RNF180: variants seen among roughly 807,000 people sequenced by gnomAD.
RNF180 encodes ring finger protein 180, also known as E3 ubiquitin-protein ligase RNF180.
A neutral mutation model predicts 59.2 loss-of-function variants in RNF180; 38 were observed. That is an observed-to-expected ratio of 0.64 (90% CI 0.50 to 0.84). The LOEUF is 0.84. Ranked by LOEUF, RNF180 falls within the 40% of genes least tolerant of loss-of-function variation. RNF180 has a pLI of 0.00. For synonymous variants in RNF180, 262 were observed against 240.3 expected, an observed-to-expected ratio of 1.09 and a Z score of -0.84; for missense variants, 705 against 700.9, an observed-to-expected ratio of 1.01 and a Z score of -0.07.
At chr5:64,211,180 G>A (rs374461964) in intron 2 of RNF180, among the ~76,000 whole-genome samples, 34 of 152,192 alleles carry the variant, frequency 2.2e-4, no homozygotes, top group African/African-American at 6.7e-4. Context: ...ATCTCAAAGG[G>A]AAAACTAGAG....
At chr5:64,267,779 T>C (rs1744772030) in intron 5 of RNF180, among the ~76,000 whole-genome samples, 1 of 152,258 alleles carries the variant, frequency 6.6e-6, no homozygotes, top group African/African-American at 2.4e-5. Flanking sequence ...AATAGAAGTA[T>C]CTAGTTATGG....
At position 64,366,505 on chromosome 5, in the gene RNF180, G is replaced by C. The variant is rs968799345; in HGVS notation, c.1580-3110G>C. Among the ~76,000 whole-genome samples the C allele has an allele frequency of 2.0e-5, 3 of 151,630 alleles. No individual in the cohort carries two copies. The South Asian group carries it at 6.2e-4, about 31-fold the overall frequency. ...AATGTTGGCCTCTATAGCTAGGTTG[G>C]AGGAGTTCTCGTGGATGATCTCCTG... On this transcript the variant is annotated intron_variant, in intron 7 of 7. Coordinates refer to ENST00000389100, the MANE Select transcript of RNF180 (RefSeq NM_001113561.2).
intron 1 of RNF180, among the ~76,000 whole-genome samples, chr5:64,198,715 G>A (rs1305202247): frequency 6.6e-6 from 1 of 152,120 alleles, no homozygotes; most frequent in Non-Finnish European, 1.5e-5. Context: ...AGATAAAAGA[G>A]GCTAAGAAGG....
At chr5:64,334,426 A>C (rs1561268032) in intron 7 of RNF180, among the ~76,000 whole-genome samples, 1 of 152,172 alleles carries the variant, frequency 6.6e-6, no homozygotes, top group African/African-American at 2.4e-5. Context: ...GCTTTTTCCC[A>C]TGAATCCTGC....
At chr5:64,338,700 T>G (rs1745233544) in intron 7 of RNF180, among the ~76,000 whole-genome samples, 1 of 152,184 alleles carries the variant, frequency 6.6e-6, no homozygotes, top group Non-Finnish European at 1.5e-5. Flanking sequence ...TCTGTATTCT[T>G]GGTAAGTACC....
chr5:64,306,147 T>C (rs971461069), intron 5 of RNF180, among the ~76,000 whole-genome samples: 2 of 151,704 alleles, frequency 1.3e-5, no homozygotes, highest in Non-Finnish European at 3.0e-5. Context: ...TGAAAAGAGC[T>C]AAGCTAAATA....
At chr5:64,239,364 A>G (rs1742654277) in intron 5 of RNF180, among the ~76,000 whole-genome samples, 1 of 152,130 alleles carries the variant, frequency 6.6e-6, no homozygotes, top group South Asian at 2.1e-4. Flanking sequence ...TTTTGTTCTC[A>G]GCTTATTTCA....
At chr5:64,307,387 A>C (rs1743529481) in intron 5 of RNF180, among the ~76,000 whole-genome samples, 1 of 151,634 alleles carries the variant, frequency 6.6e-6, no homozygotes, top group South Asian at 2.1e-4. Context: ...CCAAATGTAT[A>C]ATAGAGAAAG....
At chr5:64,303,550 A>G (rs147651898) in intron 5 of RNF180, among the ~76,000 whole-genome samples, 334 of 151,814 alleles carry the variant, frequency 2.2e-3, no homozygotes, top group African/African-American at 6.5e-3. Flanking sequence ...CGAATGGTCT[A>G]TGTAGAAGAT....
intron 7 of RNF180, among the ~76,000 whole-genome samples, chr5:64,340,476 A>G (rs1267441487): frequency 6.6e-6 from 1 of 152,230 alleles, no homozygotes; most frequent in Non-Finnish European, 1.5e-5. Context: ...AGAACTCCAC[A>G]TGGAAAAGAA....
chr5:64,258,110 G>C (rs1744093222), intron 5 of RNF180, among the ~76,000 whole-genome samples: 1 of 152,152 alleles, frequency 6.6e-6, no homozygotes, highest in Admixed American at 6.6e-5. Context: ...GTCAGGAGTT[G>C]ACAAGTGAGG....
chr5:64,358,621 T>C (rs1746119595), intron 7 of RNF180, among the ~76,000 whole-genome samples: 1 of 151,710 alleles, frequency 6.6e-6, no homozygotes, highest in Non-Finnish European at 1.5e-5. Context: ...ATAGGCTAGA[T>C]TTATCAAACC....
At chr5:64,175,916 C>G (rs186591728) in intron 1 of RNF180, among the ~76,000 whole-genome samples, 158 of 152,220 alleles carry the variant, frequency 1.0e-3, no homozygotes, top group African/African-American at 3.7e-3. Context: ...TCTCTATTGG[C>G]ACATAGAAAT....
At chr5:64,193,562 G>A (rs1751293682) in intron 1 of RNF180, among the ~76,000 whole-genome samples, 1 of 151,988 alleles carries the variant, frequency 6.6e-6, no homozygotes, top group Admixed American at 6.6e-5. Context: ...TTTCTATCTT[G>A]GCCCATTCCC....
chr5:64,315,050 A>G (rs1743967917), intron 5 of RNF180, among the ~76,000 whole-genome samples: 2 of 152,196 alleles, frequency 1.3e-5, no homozygotes, highest in Non-Finnish European at 2.9e-5. Flanking sequence ...TTACCCATGC[A>G]TGATTTTTGT....
At chr5:64,187,887 C>T (rs939388849) in intron 1 of RNF180, among the ~76,000 whole-genome samples, 4 of 152,158 alleles carry the variant, frequency 2.6e-5, no homozygotes, top group South Asian at 2.1e-4. Context: ...AAATGATTCA[C>T]GAACAAATTA....
intron 5 of RNF180, among the ~76,000 whole-genome samples, chr5:64,320,439 A>G (rs1217138966): frequency 6.6e-6 from 1 of 152,194 alleles, no homozygotes; most frequent in Non-Finnish European, 1.5e-5. Context: ...TATTTTAGCA[A>G]TTGTGAGAAT....
intron 5 of RNF180, among the ~76,000 whole-genome samples, chr5:64,279,215 C>T (rs1056937020): frequency 1.3e-5 from 2 of 152,008 alleles, no homozygotes; most frequent in Non-Finnish European, 2.9e-5. Flanking sequence ...AAGAGATTGG[C>T]CAACAATATT....
intron 5 of RNF180, among the ~76,000 whole-genome samples, chr5:64,277,707 A>T (rs1170009914): frequency 6.6e-6 from 1 of 152,126 alleles, no homozygotes; most frequent in Non-Finnish European, 1.5e-5. Context: ...ATGTTGCCTC[A>T]TTTTGCAAGA....
Sources: allele counts gnomAD v4.1 joint callset (sites outside exome capture counted in the v4.1 genomes callset), GRCh38; gene constraint gnomAD v4.1.1; transcripts MANE v1.5; gene names NCBI Gene and HGNC (gene_info 2026-07-23, HGNC 2026-07-21).